NDE1: variants seen among roughly 807,000 people sequenced by gnomAD.
NDE1 encodes nuclear distribution protein nudE homolog 1.
Under a neutral mutation model 43.4 loss-of-function variants are expected in NDE1, and 28 were observed. The ratio of observed to expected loss-of-function variants is 0.65; its 90% CI spans 0.48 to 0.89. The LOEUF is 0.89. Among genes scored for constraint, NDE1 ranks in the 40% least tolerant of loss-of-function variants. The pLI is 0.00. For synonymous variants in NDE1, 184 were observed against 172.0 expected (o/e 1.07, Z -0.55); for missense variants, 441 against 434.1 (o/e 1.02, Z -0.14).
Position 15,675,421 on chromosome 16 carries a change from TG to T in NDE1, c.238-2377del, listed in dbSNP as rs1231056677. On this transcript the variant is annotated intron_variant, in intron 3 of 8. Coordinates refer to ENST00000396354, the MANE Select transcript of NDE1 (RefSeq NM_017668.3). ...CGCCATGTTGCCAGGCTGGTGATTT[TG>T]GGTTTTTTTTTTTTTTTGCTTGTTT... Among the ~76,000 whole-genome samples the T allele has an allele frequency of 7.4e-3, 787 of 106,162 alleles. 4 individuals carry two copies. Among genetic ancestry groups the T allele is most frequent in the Non-Finnish European group, 6.8e-3 (341 of 50,210 alleles). 69.6% of individuals were successfully genotyped at this position (106,162 alleles called of 152,430 possible).
rs571517980 is a variant in NDE1, at chr16:15,719,230, G to T, written c.948-4961G>T. 5 of 1,613,698 alleles carry T rather than the reference G, an allele frequency of 3.1e-6. No individual in the cohort carries two copies. In the East Asian group the frequency reaches 1.1e-4, roughly 36 times the overall value. On this transcript the variant is annotated intron_variant, in intron 8 of 8. Transcript: ENST00000396354. ...CATTCAGTTTCCTACCTTCCCGACA[G>T]GCTACTGGCCAGCTCCTCTGCCAGT...
chr16:15,657,414 GC>G (rs1440213672), intron 1 of NDE1, among the ~76,000 whole-genome samples: 1 of 152,002 alleles, frequency 6.6e-6, no homozygotes, highest in Non-Finnish European at 1.5e-5. Context: ...TATCTTAATG[GC>G]CACACAGTGC....
At chr16:15,644,918 CTTTTTTT>C (rs34053597) in intron 1 of NDE1, among the ~76,000 whole-genome samples, 3 of 129,608 alleles carry the variant, frequency 2.3e-5, no homozygotes, top group Non-Finnish European at 3.3e-5. Context: ...TTCCTTTTTA[CTTTTTTT>C]TTTTTTTTTT....
At chr16:15,714,531 C>CA (rs1161348745) in intron 8 of NDE1, 11 of 377,272 alleles carry the variant, frequency 2.9e-5, no homozygotes, top group Non-Finnish European at 4.5e-5. Context: ...CAGAGCATGT[C>CA]AGGAAGGAGG....
At chr16:15,720,030 C>G (rs1024719958) in intron 8 of NDE1, 5 of 1,377,680 alleles carry the variant, frequency 3.6e-6, no homozygotes, top group Non-Finnish European at 5.1e-6. Flanking sequence ...AAAACCCCAG[C>G]TGAACCCACA....
In NDE1 at chr16:15,658,225, C is replaced by T. The variant is rs538619561; in HGVS notation, c.-43-6511C>T. ...TCCAGCTTCAGGCTTACCTTACCAA[C>T]CCTAGTGGAAAGAGAGTTTCATTTT... On this transcript the variant is annotated intron_variant, in intron 1 of 8. Transcript: ENST00000396354. Among the ~76,000 whole-genome samples the T allele has an allele frequency of 2.6e-5, 4 of 152,312 alleles. No individual in the cohort carries two copies. The South Asian group carries it at 8.3e-4, about 32-fold the overall frequency.
chr16:15,656,111 C>T (rs1189662359), intron 1 of NDE1, among the ~76,000 whole-genome samples: 1 of 151,426 alleles, frequency 6.6e-6, no homozygotes, highest in Non-Finnish European at 1.5e-5. Context: ...CACATGTACC[C>T]TAAAACTTAA....
chr16:15,684,321 G>A (rs1342027889), intron 4 of NDE1: 1 of 151,690 alleles, frequency 6.6e-6, no homozygotes, highest in African/African-American at 2.4e-5. Flanking sequence ...GGCCAGGCAT[G>A]GTGTCCAACA....
chr16:15,700,886 T>TGAA (rs1017585810), intron 8 of NDE1, among the ~76,000 whole-genome samples: 1 of 152,172 alleles, frequency 6.6e-6, no homozygotes, highest in African/African-American at 2.4e-5. Flanking sequence ...CAGTGCTTTG[T>TGAA]GGTGTACTGA....
chr16:15,710,197 A>C (rs1438314332), intron 8 of NDE1, among the ~76,000 whole-genome samples: 1 of 152,154 alleles, frequency 6.6e-6, no homozygotes, highest in Non-Finnish European at 1.5e-5. Context: ...TCTGGGGCAG[A>C]ACCCACAGGA....
At chr16:15,678,184 G>T (rs998933650) in intron 4 of NDE1, among the ~76,000 whole-genome samples, 1 of 152,156 alleles carries the variant, frequency 6.6e-6, no homozygotes, top group Non-Finnish European at 1.5e-5. Flanking sequence ...GTAATAGGAT[G>T]TATTAATTTG....
rs2040676270 is a variant in NDE1 at position 15,724,937 on chromosome 16, T to G, written c.*686T>G. ...GAGGGACGCCACGTCCTTGGCCAGC[T>G]TAATGGCCTTCCCCTCGGCCTCGTT... On this transcript the variant is annotated 3_prime_UTR_variant, in exon 9 of 9. Transcript: ENST00000396354. The G allele has an allele frequency of 6.2e-7, 1 of 1,614,052 alleles. No individual in the cohort carries two copies. Among genetic ancestry groups the G allele is most frequent in the Admixed American group, 1.7e-5 (1 of 59,998 alleles).
chr16:15,724,935 G>C lies in NDE1; in HGVS notation c.*684G>C. The C allele has an allele frequency of 6.2e-7, 1 of 1,614,142 alleles. No individual in the cohort carries two copies. Among genetic ancestry groups the C allele is most frequent in the Middle Eastern group, 1.6e-4 (1 of 6,062 alleles). The stretch of plus-strand genomic sequence containing the variant: ...CTGAGGGACGCCACGTCCTTGGCCA[G>C]CTTAATGGCCTTCCCCTCGGCCTCG... On this transcript the variant is annotated 3_prime_UTR_variant, in exon 9 of 9. Transcript: ENST00000396354.
At chr16:15,688,516 C>G (rs964957555) in intron 5 of NDE1, among the ~76,000 whole-genome samples, 2 of 150,650 alleles carry the variant, frequency 1.3e-5, no homozygotes, top group African/African-American at 4.9e-5. Context: ...GCCTGCAATC[C>G]CAGCTGCTCA....
At chr16:15,690,353 C>T (rs147869538) in intron 5 of NDE1, among the ~76,000 whole-genome samples, 23,559 of 79,960 alleles carry the variant, frequency 0.29, 224 homozygotes, top group Non-Finnish European at 0.33. Flanking sequence ...TTTTTTTTTT[C>T]TTTTTTTTTT....
chr16:15,698,011 T>G (rs1162172655), intron 8 of NDE1, among the ~76,000 whole-genome samples: 1 of 151,972 alleles, frequency 6.6e-6, no homozygotes, highest in East Asian at 1.9e-4. Context: ...TTTCACTGTG[T>G]TAGGATGGTC....
intron 8 of NDE1, among the ~76,000 whole-genome samples, chr16:15,712,653 G>C (rs2039869824): frequency 6.6e-6 from 1 of 152,076 alleles, no homozygotes; most frequent in African/African-American, 2.4e-5. Flanking sequence ...TTCGAGGTGA[G>C]GGATCAGCAG....
At chr16:15,715,986 G>C (rs536092146) in intron 8 of NDE1, among the ~76,000 whole-genome samples, 16 of 152,102 alleles carry the variant, frequency 1.1e-4, no homozygotes, top group African/African-American at 3.9e-4. Flanking sequence ...TACAAGCTGG[G>C]TACAGTGGTG....
chr16:15,698,190 G>A (rs2039096105), intron 8 of NDE1, among the ~76,000 whole-genome samples: 2 of 152,080 alleles, frequency 1.3e-5, no homozygotes, highest in Admixed American at 1.3e-4. Flanking sequence ...GCCACCCGAT[G>A]GGACAGTGCA....
Sources: allele counts gnomAD v4.1 joint callset (sites outside exome capture counted in the v4.1 genomes callset), GRCh38; gene constraint gnomAD v4.1.1; transcripts MANE v1.5; gene names NCBI Gene and HGNC (gene_info 2026-07-23, HGNC 2026-07-21).